PDS5A: variants seen among roughly 807,000 people sequenced by gnomAD.
PDS5A encodes the protein PDS5 cohesin associated factor A.
In PDS5A, 42 loss-of-function variants were observed where a neutral mutation model predicts 167.1. That is an observed-to-expected ratio of 0.25 (90% CI 0.20 to 0.33). The LOEUF (loss-of-function observed/expected upper bound fraction) is 0.33. Ranked by LOEUF, PDS5A falls within the 10% of genes least tolerant of loss-of-function variation. The probability of loss-of-function intolerance (pLI) is 1.00; values close to 1 mark genes in which losing one functional copy is unlikely to be tolerated. For missense variants in PDS5A, 1,033 were observed against 1,605.9 expected (o/e 0.64, Z 6.10); for synonymous variants, 553 against 554.6 (o/e 1.00, Z 0.04).
chr4:39,955,309 T>C (rs1188283599), intron 2 of PDS5A, among the ~76,000 whole-genome samples: 1 of 151,984 alleles, frequency 6.6e-6, no homozygotes, highest in Admixed American at 6.6e-5. Flanking sequence ...TTTAGAAATA[T>C]AGCACTCTAG....
rs567977455 is a variant in PDS5A at position 39,823,654 on chromosome 4, T to TC, written c.*1830dup. The TC allele has an allele frequency of 5.0e-4, 76 of 152,686 alleles. No homozygotes were observed. Among genetic ancestry groups the TC allele is most frequent in the African/African-American group, 1.8e-3 (75 of 41,560 alleles). 9.5% of individuals were successfully genotyped at this position (152,686 alleles called of 1,614,324 possible). A position where few individuals can be genotyped will look rare whatever the true frequency, so the allele number is the denominator to read the frequency against. On this transcript the variant is annotated 3_prime_UTR_variant, in exon 33 of 33. Coordinates refer to ENST00000303538, the MANE Select transcript of PDS5A (RefSeq NM_001100399.2). ...TTCTCTGATACTTATGCATAGATAC[T>TC]CTTTTTCAGCATGTTGGAGGCAATA...
chr4:39,892,643 C>T (rs1722074038), intron 16 of PDS5A, among the ~76,000 whole-genome samples: 1 of 152,152 alleles, frequency 6.6e-6, no homozygotes, highest in East Asian at 1.9e-4. Flanking sequence ...CATGAGAAAC[C>T]ATGTATTATA....
chr4:39,861,122 G>A (rs1218055892), intron 26 of PDS5A, among the ~76,000 whole-genome samples: 1 of 151,640 alleles, frequency 6.6e-6, no homozygotes, highest in Non-Finnish European at 1.5e-5. Flanking sequence ...ACAGTAGAAG[G>A]GTGGTTATCA....
At chr4:39,892,339 C>CA (rs1722048330) in intron 16 of PDS5A, among the ~76,000 whole-genome samples, 1 of 152,124 alleles carries the variant, frequency 6.6e-6, no homozygotes, top group Non-Finnish European at 1.5e-5. Context: ...ATATATAGAA[C>CA]CAGGCCTGAA....
intron 8 of PDS5A, among the ~76,000 whole-genome samples, chr4:39,915,995 G>A (rs911031271): frequency 6.6e-6 from 1 of 151,994 alleles, no homozygotes; most frequent in African/African-American, 2.4e-5. Flanking sequence ...AGTAATTTGA[G>A]GCCAAGGCAG....
chr4:39,920,385 C>T lies in PDS5A; in HGVS notation c.669G>A (p.Gln223=). 1 of 1,526,692 alleles carries T rather than the reference C, an allele frequency of 6.6e-7. No individual in the cohort carries two copies. Among genetic ancestry groups the T allele is most frequent in the Non-Finnish European group, 9.0e-7 (1 of 1,107,754 alleles). The allele number at this position is 1,526,692 out of a possible 1,614,324, so 94.6% of individuals were successfully genotyped here. ...ATAGCACTTTTGCAAGGTCAAAGGA[C>T]TGTTTATTTAAGTTCTGAAAAATAA... ...LIPAHKNLNK[Q]SFDLAKVLLK... Residue 223 remains glutamine (Q), a synonymous_variant, in exon 7 of 33, where the codon CAG becomes CAA. Coordinates refer to ENST00000303538, the MANE Select transcript of PDS5A (RefSeq NM_001100399.2).
intron 16 of PDS5A, among the ~76,000 whole-genome samples, chr4:39,894,333 T>C (rs1445595998): frequency 6.6e-6 from 1 of 151,664 alleles, no homozygotes; most frequent in Non-Finnish European, 1.5e-5. Context: ...ATTTGAGCCC[T>C]AGATGCAGAG....
intron 17 of PDS5A, among the ~76,000 whole-genome samples, chr4:39,888,274 T>C (rs894043763): frequency 6.7e-6 from 1 of 148,874 alleles, no homozygotes; most frequent in Non-Finnish European, 1.5e-5. Flanking sequence ...AAGGGCTTTT[T>C]ATCAACAAGA....
intron 8 of PDS5A, among the ~76,000 whole-genome samples, chr4:39,916,761 G>A (rs1303838296): frequency 6.6e-6 from 1 of 151,966 alleles, no homozygotes; most frequent in Admixed American, 6.6e-5. Flanking sequence ...AGCTACTCGG[G>A]AGGCTGAGGC....
intron 26 of PDS5A, among the ~76,000 whole-genome samples, chr4:39,857,515 A>G (rs1230442662): frequency 1.3e-5 from 2 of 152,176 alleles, no homozygotes; most frequent in African/African-American, 4.8e-5. Context: ...CTATTTTGCA[A>G]AACTAACTCC....
chr4:39,911,024 C>T lies in PDS5A; in HGVS notation c.993-686G>A, dbSNP rs553334850. On this transcript the variant is annotated intron_variant, in intron 9 of 32. Transcript: ENST00000303538. ...AGGCATTCCCCTGTAGTCCCAGCTA[C>T]TTGGGAGGGTGAGGTGGAAGGACTG... Among the ~76,000 whole-genome samples the T allele has an allele frequency of 2.0e-5, 3 of 152,026 alleles. No individual in the cohort carries two copies. The South Asian group carries it at 6.2e-4, about 32-fold the overall frequency.
At chr4:39,973,276 G>A in intron 2 of PDS5A, 3 of 1,600,662 alleles carry the variant, frequency 1.9e-6, no homozygotes, top group Admixed American at 1.7e-5. Flanking sequence ...TTGCTCTTGA[G>A]GGGCAGATGC....
chr4:39,885,635 C>A (rs946117074), intron 17 of PDS5A, among the ~76,000 whole-genome samples: 1 of 152,090 alleles, frequency 6.6e-6, no homozygotes, highest in Admixed American at 6.5e-5. Flanking sequence ...TAAAAAAGGG[C>A]TGCGTATAGT....
intron 22 of PDS5A, among the ~76,000 whole-genome samples, chr4:39,867,549 TAAAA>T (rs11357236): frequency 1.8e-5 from 2 of 111,744 alleles, no homozygotes; most frequent in Non-Finnish European, 1.8e-5. Flanking sequence ...CCGTCTCTAC[TAAAA>T]AAAAAAAAAA....
chr4:39,944,451 C>T (rs973500224), intron 2 of PDS5A, among the ~76,000 whole-genome samples: 27 of 151,928 alleles, frequency 1.8e-4, no homozygotes, highest in South Asian at 2.1e-4. Flanking sequence ...CCCAGCACTC[C>T]GGGAGGCCGA....
chr4:39,938,866 A>G (rs933015174), intron 2 of PDS5A, among the ~76,000 whole-genome samples: 2 of 151,998 alleles, frequency 1.3e-5, no homozygotes, highest in Middle Eastern at 3.2e-3. Context: ...GCTACTCAGG[A>G]GGCTGAGGCA....
chr4:39,955,987 A>G (rs532070), intron 2 of PDS5A, among the ~76,000 whole-genome samples: 106,842 of 151,588 alleles, frequency 0.7, 38,985 homozygotes, highest in Middle Eastern at 0.85. Flanking sequence ...TGGTGGTGGC[A>G]CACACCTGTA....
chr4:39,836,265 A>G (rs567433845), intron 32 of PDS5A, among the ~76,000 whole-genome samples: 49 of 152,286 alleles, frequency 3.2e-4, no homozygotes, highest in African/African-American at 9.9e-4. Flanking sequence ...TTTCATTACT[A>G]CACTTATTAG....
Position 39,948,386 on chromosome 4 carries a change from C to T in PDS5A, c.139-20222G>A, listed in dbSNP as rs541720035. Among the ~76,000 whole-genome samples, 12 of 139,686 alleles carry T rather than the reference C, an allele frequency of 8.6e-5. No homozygotes were observed. The South Asian group carries it at 8.9e-4, about 10-fold the overall frequency. The allele number at this position is 139,686 out of a possible 152,430, so 91.6% of individuals were successfully genotyped here. On this transcript the variant is annotated intron_variant, in intron 2 of 32. Transcript: ENST00000303538. Reference sequence around the variant, plus strand: ...AGGCTGGAGTGCAATGGTGCGACCTCGGCTCACTGCATTACTGCAACCTCC... The same window carrying T: ...AGGCTGGAGTGCAATGGTGCGACCTTGGCTCACTGCATTACTGCAACCTCC...
Sources: gnomAD v4.1 joint callset for allele counts (sites outside exome capture counted in the v4.1 genomes callset) on GRCh38, gnomAD v4.1.1 for gene constraint, MANE v1.5 for transcripts, NCBI Gene and HGNC (gene_info 2026-07-23, HGNC 2026-07-21) for gene names.